Variants in TMC5 observed in about 807,000 individuals in gnomAD.
TMC5 encodes the protein transmembrane channel like 5.
Under a neutral mutation model 110.5 loss-of-function variants are expected in TMC5, and 86 were observed. The ratio of observed to expected loss-of-function variants is 0.78; its 90% CI spans 0.65 to 0.93. TMC5 has a LOEUF of 0.93. Ranked by LOEUF, TMC5 falls within the 40% of genes least tolerant of loss-of-function variation. TMC5 has a pLI of 0.00. For missense variants in TMC5, 1,144 were observed against 1,222.8 expected (o/e 0.94, Z 0.96); for synonymous variants, 455 against 439.5 (o/e 1.04, Z -0.44).
At position 19,469,716 on chromosome 16, in the gene TMC5, C is replaced by T. The variant is rs749516730; in HGVS notation, c.1673C>T (p.Pro558Leu). Reference protein sequence around the residue: ...AKYFRNNFINPHIYSGGITKL... With the variant: ...AKYFRNNFINLHIYSGGITKL... Reference sequence around the variant, plus strand: ...TATTTCCGGAACAACTTCATTAATCCCCACATTTACTCCGGAGGGATCACC... The same window carrying T: ...TATTTCCGGAACAACTTCATTAATCTCCACATTTACTCCGGAGGGATCACC... The change falls in exon 10 of 22, where the codon CCC becomes CTC. Residue 558 changes from proline to leucine, a missense_variant. Physicochemically the swap from Pro to Leu is moderately conservative, Grantham distance 98 (BLOSUM62 -3). Coordinates refer to ENST00000542583, the MANE Select transcript of TMC5 (RefSeq NM_001261841.2). 1.9e-6 allele frequency: 3 copies of T among 1,613,992 alleles called. No homozygotes were observed. Among genetic ancestry groups the T allele is most frequent in the Admixed American group, 1.7e-5 (1 of 59,984 alleles).
chr16:19,492,742 T>C (rs1968939003), intron 19 of TMC5, among the ~76,000 whole-genome samples: 1 of 151,294 alleles, frequency 6.6e-6, no homozygotes, highest in Non-Finnish European at 1.5e-5. Context: ...CTTATTTTAT[T>C]TTTTTAGAGG....
chr16:19,421,359 A>G (rs1966978527), intron 1 of TMC5, among the ~76,000 whole-genome samples: 1 of 152,064 alleles, frequency 6.6e-6, no homozygotes, highest in African/African-American at 2.4e-5. Flanking sequence ...TAATTGAGTC[A>G]TAGGGGTGGG....
At chr16:19,464,541 T>G (rs1382499596) in intron 8 of TMC5, among the ~76,000 whole-genome samples, 2 of 152,248 alleles carry the variant, frequency 1.3e-5, no homozygotes, top group Admixed American at 6.5e-5. Flanking sequence ...TCCACACACT[T>G]TTTTGGCAAA....
At chr16:19,425,124 G>A (rs749427031) in intron 1 of TMC5, among the ~76,000 whole-genome samples, 3 of 152,092 alleles carry the variant, frequency 2.0e-5, no homozygotes, top group Non-Finnish European at 2.9e-5. Context: ...AGCCTGTGCC[G>A]GAAACCTGGA....
chr16:19,419,429 T>TG (rs2143342045), intron 1 of TMC5, among the ~76,000 whole-genome samples: 1 of 139,312 alleles, frequency 7.2e-6, no homozygotes, highest in Admixed American at 7.1e-5. Context: ...TTTTTTTTTT[T>TG]TGAGACAGTG....
chr16:19,418,888 C>T (rs1033855715), intron 1 of TMC5, among the ~76,000 whole-genome samples: 10 of 152,088 alleles, frequency 6.6e-5, no homozygotes, highest in African/African-American at 2.4e-4. Context: ...CCACCATGCC[C>T]GCCTACCTTT....
intron 15 of TMC5, among the ~76,000 whole-genome samples, chr16:19,483,943 G>A (rs530632882): frequency 7.2e-5 from 11 of 151,982 alleles, no homozygotes; most frequent in Non-Finnish European, 1.5e-4. Flanking sequence ...TTAGCTGGGC[G>A]TGGTTGGAAG....
intron 4 of TMC5, among the ~76,000 whole-genome samples, chr16:19,446,106 G>A (rs1967609519): frequency 6.9e-6 from 1 of 144,878 alleles, no homozygotes; most frequent in Admixed American, 7.0e-5. Flanking sequence ...AGGTGGAGGG[G>A]GAGAGAGGGA....
At position 19,490,595 on chromosome 16, in the gene TMC5, C is replaced by T. The variant is rs116678361; in HGVS notation, c.2747+27C>T. 1,065 of 1,612,570 alleles carry T rather than the reference C, an allele frequency of 6.6e-4. 6 individuals are homozygous for T. The African/African-American group carries it at 0.012, about 19-fold the overall frequency. On this transcript the variant is annotated intron_variant, in intron 18 of 21. Transcript: ENST00000542583. Reference sequence around the variant, plus strand: ...TGAGTGTGGTACCCGGGGAATCTAGCAGGGAAAGCCAGGAGCTCTCGAGGG... The same window carrying T: ...TGAGTGTGGTACCCGGGGAATCTAGTAGGGAAAGCCAGGAGCTCTCGAGGG...
rs200544952 is a variant in TMC5, at chr16:19,497,104, G to T, written c.2932-17G>T. ...TTCTTCCTCCGTGACGTGGCTGCTT[G>T]TTTTTTTCTTTTTCAGCAACAAGGC... On this transcript the variant is annotated splice_polypyrimidine_tract_variant and intron_variant, in intron 20 of 21. Coordinates refer to ENST00000542583, the MANE Select transcript of TMC5 (RefSeq NM_001261841.2). 1.9e-5 allele frequency: 31 copies of T among 1,613,772 alleles called. No individual in the cohort carries two copies. The highest frequency in any genetic ancestry group is 2.5e-5 in the Non-Finnish European group (30 of 1,179,874).
intron 5 of TMC5, among the ~76,000 whole-genome samples, chr16:19,454,463 G>C (rs962269997): frequency 4.6e-5 from 7 of 152,166 alleles, no homozygotes; most frequent in African/African-American, 1.7e-4. Flanking sequence ...ACTGCTTGCT[G>C]GTTTTGTGAC....
At chr16:19,439,473 G>A (rs1210629655) in intron 2 of TMC5, among the ~76,000 whole-genome samples, 2 of 152,196 alleles carry the variant, frequency 1.3e-5, no homozygotes, top group Non-Finnish European at 2.9e-5. Flanking sequence ...CAAGATGAAA[G>A]CTTAGTTGCA....
intron 4 of TMC5, among the ~76,000 whole-genome samples, chr16:19,449,129 G>A (rs7190942): frequency 0.031 from 4,762 of 152,126 alleles, 243 homozygotes; most frequent in African/African-American, 0.11. Context: ...GGGATTACAG[G>A]CGTGAGCCAC....
intron 2 of TMC5, among the ~76,000 whole-genome samples, chr16:19,435,409 G>A (rs549586010): frequency 1.3e-5 from 2 of 151,940 alleles, no homozygotes; most frequent in Non-Finnish European, 2.9e-5. Context: ...GGCTGAGGCA[G>A]AAGAATGGCG....
At chr16:19,463,190 G>T in intron 6 of TMC5, 90 bp from the exon 7 acceptor site, 1 of 989,836 alleles carries the variant, frequency 1.0e-6, no homozygotes, top group South Asian at 1.3e-5. Context: ...GAAGTGTTGG[G>T]ATTACAGGCA....
At chr16:19,443,089 G>T (rs1967526969) in intron 3 of TMC5, among the ~76,000 whole-genome samples, 1 of 152,298 alleles carries the variant, frequency 6.6e-6, no homozygotes, top group Non-Finnish European at 1.5e-5. Flanking sequence ...TCTCCTGTCT[G>T]CCCCCTGCCT....
intron 8 of TMC5, among the ~76,000 whole-genome samples, chr16:19,465,122 T>C: frequency 6.0e-5 from 3 of 50,268 alleles, no homozygotes; most frequent in African/African-American, 1.2e-4. Flanking sequence ...CCTCCCTCCC[T>C]CCCTCCCTCC....
At chr16:19,435,584 T>C (rs1350870862) in intron 2 of TMC5, among the ~76,000 whole-genome samples, 1 of 102,594 alleles carries the variant, frequency 9.7e-6, no homozygotes, top group Non-Finnish European at 2.2e-5. Context: ...GATTTTTACA[T>C]ACACACACAC....
intron 4 of TMC5, among the ~76,000 whole-genome samples, chr16:19,446,637 A>T (rs1269270813): frequency 1.3e-5 from 2 of 152,220 alleles, no homozygotes; most frequent in Non-Finnish European, 2.9e-5. Context: ...AAGGTCACTC[A>T]CTTACTAAAT....
Sources: gnomAD v4.1 joint callset for allele counts (sites outside exome capture counted in the v4.1 genomes callset) on GRCh38, gnomAD v4.1.1 for gene constraint, MANE v1.5 for transcripts, NCBI Gene and HGNC (gene_info 2026-07-23, HGNC 2026-07-21) for gene names.